Variants in ZBTB46 observed in about 807,000 individuals in gnomAD.
ZBTB46 encodes zinc finger and BTB domain-containing protein 46.
ZBTB46 carries 8 observed loss-of-function variants against 44.1 expected under a neutral mutation model. The ratio of observed to expected loss-of-function variants is 0.18; its 90% CI spans 0.11 to 0.33. ZBTB46 has a LOEUF of 0.33. Ranked by LOEUF, ZBTB46 falls within the 10% of genes least tolerant of loss-of-function variation. The pLI is 1.00. For missense variants in ZBTB46, 651 were observed against 847.7 expected, an observed-to-expected ratio of 0.77 and a Z score of 2.88; for synonymous variants, 409 against 382.3, an observed-to-expected ratio of 1.07 and a Z score of -0.81.
intron 4 of ZBTB46, 133 bp from the exon 5 acceptor site, chr20:63,747,434 G>T (rs56013336): frequency 4.0e-5 from 10 of 250,886 alleles, no homozygotes; most frequent in South Asian, 1.1e-4. Flanking sequence ...AGGGGGCAGG[G>T]GGTGAGCAGG....
intron 3 of ZBTB46, among the ~76,000 whole-genome samples, chr20:63,773,286 T>G (rs1381032864): frequency 7.0e-6 from 1 of 143,020 alleles, no homozygotes; most frequent in Non-Finnish European, 1.5e-5. Context: ...TGGAGGGCAA[T>G]GATGCAATCA....
chr20:63,812,512 C>A (rs1601525043), intron 1 of ZBTB46, among the ~76,000 whole-genome samples: 1 of 150,712 alleles, frequency 6.6e-6, no homozygotes, highest in Non-Finnish European at 1.5e-5. Flanking sequence ...CAATGTGGTG[C>A]GCGCCTATAA....
intron 1 of ZBTB46, among the ~76,000 whole-genome samples, chr20:63,796,098 A>G (rs2092601761): frequency 6.6e-6 from 1 of 152,216 alleles, no homozygotes; most frequent in African/African-American, 2.4e-5. Context: ...CGCGATGAAT[A>G]TACTCCATTT....
chr20:63,815,166 C>A, intron 1 of ZBTB46: 1 of 236,774 alleles, frequency 4.2e-6, no homozygotes, highest in Non-Finnish European at 8.6e-6. Context: ...GAGCTGAAGG[C>A]ACAGGTGCAG....
intron 1 of ZBTB46, among the ~76,000 whole-genome samples, chr20:63,794,186 T>C (rs1337390295): frequency 1.5e-5 from 2 of 134,532 alleles, no homozygotes; most frequent in Non-Finnish European, 3.2e-5. Flanking sequence ...CAAGACTCCG[T>C]CTCAAAAAAA....
chr20:63,766,638 G>A (rs2092322839), intron 3 of ZBTB46, among the ~76,000 whole-genome samples: 1 of 152,198 alleles, frequency 6.6e-6, no homozygotes, highest in South Asian at 2.1e-4. Context: ...GGCCTGTGTG[G>A]ACTGCTCTCC....
upstream of ZBTB46, among the ~76,000 whole-genome samples, chr20:63,831,615 C>G (rs1421812977): frequency 6.7e-6 from 1 of 149,134 alleles, no homozygotes; most frequent in Non-Finnish European, 1.5e-5. Context: ...CGCGGGGGTC[C>G]CCCTGGCCCC....
intron 1 of ZBTB46, chr20:63,807,961 A>T (rs999369851): frequency 1.3e-5 from 2 of 149,374 alleles, no homozygotes; most frequent in African/African-American, 5.1e-5. Context: ...CCCACAGGAG[A>T]CACTCACGGA....
chr20:63,801,214 A>G (rs1601501171), intron 1 of ZBTB46, among the ~76,000 whole-genome samples: 1 of 152,218 alleles, frequency 6.6e-6, no homozygotes, highest in Non-Finnish European at 1.5e-5. Context: ...TAAATACACC[A>G]ATCAGCACTC....
intron 1 of ZBTB46, among the ~76,000 whole-genome samples, chr20:63,802,336 T>A (rs2092652285): frequency 6.6e-6 from 1 of 151,748 alleles, no homozygotes; most frequent in African/African-American, 2.4e-5. Context: ...GGCACAAGAA[T>A]CACTTGAACC....
chr20:63,747,488 C>A (rs2092111919), intron 4 of ZBTB46, among the ~76,000 whole-genome samples, 187 bp from the exon 5 acceptor site: 1 of 41,706 alleles, frequency 2.4e-5, no homozygotes, highest in African/African-American at 8.3e-5. Context: ...TGAGCAGGGC[C>A]CGGTGGAGGT....
At chr20:63,808,193 G>C (rs1007456787) in intron 1 of ZBTB46, 1 of 152,562 alleles carries the variant, frequency 6.6e-6, no homozygotes, top group Non-Finnish European at 1.5e-5. Flanking sequence ...TTCACCACCG[G>C]CCGCCTTCGA....
chr20:63,759,725 G>A (rs951951098), intron 3 of ZBTB46, among the ~76,000 whole-genome samples: 7 of 152,122 alleles, frequency 4.6e-5, no homozygotes, highest in Non-Finnish European at 7.4e-5. Flanking sequence ...TATCGTTCCC[G>A]TGCTCAGAGG....
rs554027667 is a variant in ZBTB46, at chr20:63,794,845, G to GC, written c.-33-4056dup. On this transcript the variant is annotated intron_variant, in intron 1 of 4. Coordinates refer to ENST00000245663, the MANE Select transcript of ZBTB46 (RefSeq NM_001369741.1). Reference sequence around the variant, plus strand: ...CACAGGACACACCTGTGGGCAGACAGCTGCATCCACAGGACACACACCTGT... The same window carrying GC: ...CACAGGACACACCTGTGGGCAGACAGCCTGCATCCACAGGACACACACCTGT... Among the ~76,000 whole-genome samples, 14 of 143,592 alleles carry GC rather than the reference G, an allele frequency of 9.7e-5. No individual in the cohort carries two copies. In the South Asian group the frequency reaches 3.2e-3, roughly 33 times the overall value. 94.2% of individuals were successfully genotyped at this position (143,592 alleles called of 152,430 possible).
chr20:63,821,440 C>CTT (rs367924517), intron 1 of ZBTB46, among the ~76,000 whole-genome samples: 29,310 of 139,330 alleles, frequency 0.21, 3,453 homozygotes, highest in East Asian at 0.45. Flanking sequence ...AGCAGGCACG[C>CTT]TTTTTTTTTT....
intron 1 of ZBTB46, among the ~76,000 whole-genome samples, chr20:63,830,625 G>A (rs1377386314): frequency 3.3e-5 from 5 of 149,914 alleles, no homozygotes; most frequent in Non-Finnish European, 7.4e-5. Flanking sequence ...TGTGCCGGCG[G>A]GGGGCGCGGG....
rs921280362 is a variant in ZBTB46 at position 63,744,199 on chromosome 20, ATAT to A, written c.*2728_*2730del. 20 of 152,324 alleles carry A rather than the reference ATAT, an allele frequency of 1.3e-4. No homozygotes were observed. The highest frequency in any genetic ancestry group is 4.8e-4 in the African/African-American group (20 of 41,578). 9.4% of individuals were successfully genotyped at this position (152,324 alleles called of 1,614,324 possible). The stretch of plus-strand genomic sequence containing the variant: ...CTAAAATAAGATTACTTCTTTTATA[ATAT>A]TGCAAAAAGTTCCAGTTTTTGCATT... On this transcript the variant is annotated 3_prime_UTR_variant, in exon 5 of 5. Coordinates refer to ENST00000245663, the MANE Select transcript of ZBTB46 (RefSeq NM_001369741.1).
chr20:63,797,165 AC>A (rs2092610314), intron 1 of ZBTB46, among the ~76,000 whole-genome samples: 1 of 61,136 alleles, frequency 1.6e-5, no homozygotes, highest in African/African-American at 6.7e-5. Context: ...CCCTCCCCCC[AC>A]CCCACAACAG....
rs559088678 is a variant in ZBTB46, at chr20:63,743,705, G to C, written c.*3225C>G. The C allele has an allele frequency of 6.6e-6, 1 of 152,392 alleles. No individual in the cohort carries two copies. Among genetic ancestry groups the C allele is most frequent in the African/African-American group, 2.4e-5 (1 of 41,462 alleles). The allele number at this position is 152,392 out of a possible 1,614,324, so 9.4% of individuals were successfully genotyped here. A position where few individuals can be genotyped will look rare whatever the true frequency, so the allele number is the denominator to read the frequency against. ...ATTTCCCAATTTATTGAAAGTGATC[G>C]CTTTGCAAGGATGTCTAAGCTAATC... On this transcript the variant is annotated 3_prime_UTR_variant, in exon 5 of 5. Transcript: ENST00000245663.
Sources: gnomAD v4.1 joint callset for allele counts (sites outside exome capture counted in the v4.1 genomes callset) on GRCh38, gnomAD v4.1.1 for gene constraint, MANE v1.5 for transcripts, NCBI Gene and HGNC (gene_info 2026-07-23, HGNC 2026-07-21) for gene names.